CARM1: variants seen among roughly 807,000 people sequenced by gnomAD.
CARM1 encodes the protein histone-arginine methyltransferase CARM1.
A neutral mutation model predicts 72.7 loss-of-function variants in CARM1; 14 were observed. The ratio of observed to expected loss-of-function variants is 0.19; its 90% CI spans 0.13 to 0.30. The LOEUF is 0.30. Ranked by LOEUF, CARM1 falls within the 10% of genes least tolerant of loss-of-function variation. The probability of loss-of-function intolerance (pLI) is 1.00; values close to 1 mark genes in which losing one functional copy is unlikely to be tolerated. For missense variants in CARM1, 432 were observed against 833.7 expected, an observed-to-expected ratio of 0.52 and a Z score of 5.93; for synonymous variants, 333 against 345.5, an observed-to-expected ratio of 0.96 and a Z score of 0.40.
chr19:10,887,237 C>T (rs1304155264), intron 1 of CARM1, among the ~76,000 whole-genome samples: 3 of 152,242 alleles, frequency 2.0e-5, no homozygotes, highest in Admixed American at 1.3e-4. Context: ...CCAAGGCTTA[C>T]CCCTGCTGCT....
chr19:10,920,554 C>A lies in CARM1; in HGVS notation c.1315C>A (p.Leu439Met). Residue 439 changes from leucine to methionine, a missense_variant, in exon 11 of 16, where the codon CTG becomes ATG. Leu to Met is a conservative substitution (Grantham distance 15). Transcript: ENST00000327064. The surrounding 1 kb of genome is among the most constrained non-coding windows in gnomAD (Gnocchi z 5.3). ...KAGDTLSGTC[L>M]LIANKRQSYD... ...AGGGGACACGCTCTCAGGGACATGT[C>A]TGCTTATTGCCAACAAAAGGTGCGA... 6.2e-7 allele frequency: 1 copy of A among 1,613,950 alleles called. No homozygotes were observed. Among genetic ancestry groups the A allele is most frequent in the African/African-American group, 1.3e-5 (1 of 75,006 alleles).
chr19:10,921,937 A>C lies in CARM1; in HGVS notation c.*180A>C, dbSNP rs2074259499. 18 of 542,596 alleles carry C rather than the reference A, an allele frequency of 3.3e-5. No homozygotes were observed. Among genetic ancestry groups the C allele is most frequent in the South Asian group, 1.1e-4 (4 of 36,010 alleles). The allele number at this position is 542,596 out of a possible 1,614,324, so 33.6% of individuals were successfully genotyped here. On this transcript the variant is annotated 3_prime_UTR_variant, in exon 16 of 16. Transcript: ENST00000327064. ...TGCCGCCGTCCCCACCCTAACCCCC[A>C]CCTCCCGGCCCTGAGCGTGTGTCGC...
In CARM1 at chr19:10,881,349, G is replaced by C. The variant is rs868419461; in HGVS notation, c.220+9427G>C. ...CTGATTTCGGTCAGCTTCTCAGAAG[G>C]ATCTGTGACTGAAAAAGGGTACCAG... On this transcript the variant is annotated intron_variant, in intron 1 of 15. Transcript: ENST00000327064. 6.4e-4 allele frequency among the ~76,000 whole-genome samples: 97 copies of C among 152,272 alleles called. 2 individuals are homozygous for C. The highest frequency in any genetic ancestry group is 3.4e-3 in the Middle Eastern group (1 of 294).
intron 2 of CARM1, among the ~76,000 whole-genome samples, chr19:10,906,042 G>A (rs958620647): frequency 7.1e-6 from 1 of 139,866 alleles, no homozygotes; most frequent in Non-Finnish European, 1.5e-5. Flanking sequence ...TCCACCTCCC[G>A]GGTTCAAGGC....
intron 1 of CARM1, among the ~76,000 whole-genome samples, chr19:10,887,431 G>C (rs1599689154): frequency 6.6e-6 from 1 of 152,214 alleles, no homozygotes; most frequent in South Asian, 2.1e-4. Context: ...TGCAGGTCCT[G>C]GGGCGGAAGG....
In CARM1 at chr19:10,912,069, A is replaced by C. The variant is rs2074154980; in HGVS notation, c.559-115A>C. 1 of 809,054 alleles carries C rather than the reference A, an allele frequency of 1.2e-6. No homozygotes were observed. The highest frequency in any genetic ancestry group is 1.8e-5 in the Admixed American group (1 of 57,066). 50.1% of individuals were successfully genotyped at this position (809,054 alleles called of 1,614,324 possible). ...TTTTGACCAAGAGCCCATAAAGGGC[A>C]AACATTGAGAGTGAAGACAGACGCC... is the stretch of plus-strand genomic sequence containing the variant. On this transcript the variant is annotated intron_variant, in intron 4 of 15. Transcript: ENST00000327064. The surrounding 1 kb of genome is among the most constrained non-coding windows in gnomAD (Gnocchi z 4.5).
At position 10,894,569 on chromosome 19, in the gene CARM1, C is replaced by T. The variant is rs565938273; in HGVS notation, c.221-10382C>T. Among the ~76,000 whole-genome samples the T allele has an allele frequency of 2.6e-4, 40 of 152,264 alleles. No individual in the cohort carries two copies. In the South Asian group the frequency reaches 7.0e-3, roughly 27 times the overall value. ...CTTCTACAGCTACCAGCTACTCCCCCGCCCCAGGTTTGCCGAGATAAATAG... is the reference window on the plus strand; with the variant it reads ...CTTCTACAGCTACCAGCTACTCCCCTGCCCCAGGTTTGCCGAGATAAATAG... On this transcript the variant is annotated intron_variant, in intron 1 of 15. Coordinates refer to ENST00000327064, the MANE Select transcript of CARM1 (RefSeq NM_199141.2).
chr19:10,887,442 C>T (rs1368440621), intron 1 of CARM1, among the ~76,000 whole-genome samples: 1 of 152,202 alleles, frequency 6.6e-6, no homozygotes, highest in African/African-American at 2.4e-5. Context: ...GGGCGGAAGG[C>T]GGCCTTCCTA....
intron 1 of CARM1, among the ~76,000 whole-genome samples, chr19:10,882,856 G>A (rs2073912498): frequency 6.6e-6 from 1 of 152,086 alleles, no homozygotes; most frequent in Non-Finnish European, 1.5e-5. Context: ...GTCTTGGGGA[G>A]CAGAGAGAAG....
Position 10,873,638 on chromosome 19 carries a change from T to G in CARM1, c.220+1716T>G, listed in dbSNP as rs1357118707. ...ATTTTAGTTTAGTTTTTTTTTTTTT[T>G]TTTTTTTTTTTTTTTTTTTGAGACA... On this transcript the variant is annotated intron_variant, in intron 1 of 15. Coordinates refer to ENST00000327064, the MANE Select transcript of CARM1 (RefSeq NM_199141.2). 6.7e-5 allele frequency among the ~76,000 whole-genome samples: 8 copies of G among 120,080 alleles called. No individual in the cohort carries two copies. The South Asian group carries it at 9.6e-4, about 14-fold the overall frequency. The allele number at this position is 120,080 out of a possible 152,430, so 78.8% of individuals were successfully genotyped here. A position where few individuals can be genotyped will look rare whatever the true frequency, so the allele number is the denominator to read the frequency against.
At chr19:10,897,999 C>G (rs1001459344) in intron 1 of CARM1, among the ~76,000 whole-genome samples, 1 of 151,480 alleles carries the variant, frequency 6.6e-6, no homozygotes, top group Non-Finnish European at 1.5e-5. Flanking sequence ...CCCAGCTACT[C>G]GGGAGGCTGA....
rs2074156243 is a variant in CARM1 at position 10,912,167 on chromosome 19, T to A, written c.559-17T>A. The A allele has an allele frequency of 1.2e-6, 2 of 1,602,468 alleles. No homozygotes were observed. Among genetic ancestry groups the A allele is most frequent in the Non-Finnish European group, 1.7e-6 (2 of 1,169,508 alleles). ...TCGCCTCCTATGTCTCGCTCTCACC[T>A]CCCACTCCTCCCTCAGATCGTTCTT... On this transcript the variant is annotated splice_polypyrimidine_tract_variant and intron_variant, in intron 4 of 15. Coordinates refer to ENST00000327064, the MANE Select transcript of CARM1 (RefSeq NM_199141.2). The surrounding 1 kb of genome is among the most constrained non-coding windows in gnomAD (Gnocchi z 4.5).
rs891212419 is a variant in CARM1 at position 10,921,632 on chromosome 19, G to T, written c.1702G>T (p.Gly568Cys). 5.0e-6 allele frequency: 8 copies of T among 1,612,912 alleles called. No homozygotes were observed. The highest frequency in any genetic ancestry group is 5.9e-6 in the Non-Finnish European group (7 of 1,179,410). ...GIVQGSSGAQGSGGGSTSAHY... is the reference protein window; with the variant it reads ...GIVQGSSGAQCSGGGSTSAHY... The stretch of plus-strand genomic sequence containing the variant: ...CTCCACAGGGTCCTCCGGCGCCCAG[G>T]GCAGTGGTGGTGGCAGCACGAGTGC... The change falls in exon 16 of 16, where the codon GGC becomes TGC. Residue 568 changes from glycine (G) to cysteine (C), a missense_variant. Around this residue, in one of 3 missense-constraint regions of CARM1, gnomAD observed 142 missense variants for 188.7 expected, o/e 0.75. Coordinates refer to ENST00000327064, the MANE Select transcript of CARM1 (RefSeq NM_199141.2).
intron 1 of CARM1, among the ~76,000 whole-genome samples, chr19:10,899,228 G>A (rs111265809): frequency 0.017 from 2,650 of 152,288 alleles, 92 homozygotes; most frequent in African/African-American, 0.061. Context: ...AGCCCTGGCT[G>A]GGCACAGCCA....
In CARM1 at chr19:10,876,317, C is replaced by T. The variant is rs568511166; in HGVS notation, c.220+4395C>T. ...CTAGGATTACAGACGTGAGCCACTG[C>T]GCCCGGCCAATAAATATTTATGTCC... On this transcript the variant is annotated intron_variant, in intron 1 of 15. Transcript: ENST00000327064. Among the ~76,000 whole-genome samples, 7 of 152,330 alleles carry T rather than the reference C, an allele frequency of 4.6e-5. No homozygotes were observed. The South Asian group carries it at 1.2e-3, about 27-fold the overall frequency.
intron 15 of CARM1, 55 bp downstream of exon 15, chr19:10,921,498 C>G: frequency 1.3e-6 from 2 of 1,573,940 alleles, no homozygotes; most frequent in Non-Finnish European, 1.7e-6. Context: ...GTGTGAGTCG[C>G]CATCCTCTGT....
intron 1 of CARM1, among the ~76,000 whole-genome samples, chr19:10,894,379 C>T (rs79057088): frequency 5.3e-5 from 8 of 151,986 alleles, no homozygotes; most frequent in Non-Finnish European, 8.8e-5. Flanking sequence ...TTTTTTTTTC[C>T]GTGCCTGTGG....
chr19:10,890,764 TACACACACAC>T (rs201011195), intron 1 of CARM1, among the ~76,000 whole-genome samples: 14 of 67,766 alleles, frequency 2.1e-4, no homozygotes, highest in Non-Finnish European at 3.6e-4. Context: ...CACACACATA[TACACACACAC>T]ATATATATAT....
intron 1 of CARM1, among the ~76,000 whole-genome samples, chr19:10,883,061 A>G (rs1407760790): frequency 6.6e-6 from 1 of 152,012 alleles, no homozygotes; most frequent in Non-Finnish European, 1.5e-5. Flanking sequence ...CTGGAATGCT[A>G]TCCCTGGCCT....
Sources: allele counts gnomAD v4.1 joint callset (sites outside exome capture counted in the v4.1 genomes callset), GRCh38; gene constraint gnomAD v4.1.1; regional missense constraint gnomAD v4.1.1; non-coding constraint Gnocchi (gnomAD v3.1); transcripts MANE v1.5; gene names NCBI Gene and HGNC (gene_info 2026-07-23, HGNC 2026-07-21).